PTER: variants seen among roughly 807,000 people sequenced by gnomAD.
PTER encodes the protein phosphotriesterase related.
PTER carries 38 observed loss-of-function variants against 29.6 expected under a neutral mutation model. That is an observed-to-expected ratio of 1.28 (90% confidence interval 0.99 to 1.68). The LOEUF is 1.68. PTER is among the 40% of genes most tolerant of loss of function. The pLI is 0.00. For missense variants in PTER, 482 were observed against 427.8 expected, an observed-to-expected ratio of 1.13 and a Z score of -1.12; for synonymous variants, 172 against 154.5, an observed-to-expected ratio of 1.11 and a Z score of -0.84.
At chr10:16,466,680 C>T (rs1214732392) in intron 1 of PTER, among the ~76,000 whole-genome samples, 4 of 152,136 alleles carry the variant, frequency 2.6e-5, no homozygotes, top group Non-Finnish European at 5.9e-5. Flanking sequence ...TCTGGATTAA[C>T]AAAACGTGGT....
chr10:16,470,214 A>G (rs1834994991), intron 1 of PTER, among the ~76,000 whole-genome samples: 1 of 152,162 alleles, frequency 6.6e-6, no homozygotes, highest in East Asian at 1.9e-4. Flanking sequence ...TCAAGCCAGC[A>G]ATGCATTCGT....
At chr10:16,482,971 G>A (rs944534996) in intron 1 of PTER, among the ~76,000 whole-genome samples, 1 of 151,972 alleles carries the variant, frequency 6.6e-6, no homozygotes, top group Non-Finnish European at 1.5e-5. Context: ...TAGTAGAGAC[G>A]GGTTTTCACC....
At chr10:16,480,368 G>A (rs1227205319) in intron 1 of PTER, among the ~76,000 whole-genome samples, 2 of 151,760 alleles carry the variant, frequency 1.3e-5, no homozygotes, top group Non-Finnish European at 1.5e-5. Context: ...GCTAATTTTT[G>A]TATTTTTTAT....
At chr10:16,470,296 C>T (rs910175294) in intron 1 of PTER, among the ~76,000 whole-genome samples, 2 of 152,210 alleles carry the variant, frequency 1.3e-5, no homozygotes, top group African/African-American at 4.8e-5. Flanking sequence ...GAACAAAAGG[C>T]ATTATTGTTG....
chr10:16,484,816 G>A lies in PTER; in HGVS notation c.432G>A (p.Gln144=). 6.3e-7 allele frequency: 1 copy of A among 1,586,064 alleles called. No homozygotes were observed. The highest frequency in any genetic ancestry group is 1.9e-5 in the Admixed American group (1 of 52,802). ...AGACCAGGGCCATGTCAGTGGAGCA[G>A]GTAAAAAGCCTAAGTTCTTTGACAG... ...SSETRAMSVE[Q]LTDVLMNEIL... The change falls in exon 2 of 5, where the codon CAG becomes CAA. Residue 144 remains glutamine, a splice_region_variant and synonymous_variant. Transcript: ENST00000535784.
intron 3 of PTER, 147 bp downstream of exon 3, chr10:16,486,764 C>A: frequency 1.1e-6 from 1 of 940,038 alleles, no homozygotes; most frequent in Non-Finnish European, 1.5e-6. Flanking sequence ...TAAAGTTTCA[C>A]AACTGACATG....
intron 3 of PTER, among the ~76,000 whole-genome samples, chr10:16,487,622 ATT>A (rs1212433562): frequency 1.3e-5 from 2 of 152,178 alleles, no homozygotes; most frequent in African/African-American, 4.8e-5. Flanking sequence ...CCTACATATT[ATT>A]TTAGATGCAT....
chr10:16,437,529 TAG>T (rs770599177), intron 1 of PTER: 6 of 152,024 alleles, frequency 3.9e-5, no homozygotes, highest in Non-Finnish European at 8.8e-5. Flanking sequence ...GTATTTTTTG[TAG>T]AGAGTGTCTC....
chr10:16,443,053 A>C (rs966133504), intron 1 of PTER, among the ~76,000 whole-genome samples: 1 of 152,134 alleles, frequency 6.6e-6, no homozygotes, highest in African/African-American at 2.4e-5. Flanking sequence ...AGATTAGATG[A>C]CCTTGATTAC....
chr10:16,518,807 A>G, the PTER span, among the ~76,000 whole-genome samples: 21,208 of 152,040 alleles, frequency 0.14, 1,625 homozygotes, highest in Middle Eastern at 0.22. Flanking sequence ...GAAGAGAGCC[A>G]ATTTGCAAAT....
chr10:16,482,486 A>G (rs1004733895), intron 1 of PTER, among the ~76,000 whole-genome samples: 1 of 152,178 alleles, frequency 6.6e-6, no homozygotes, highest in Non-Finnish European at 1.5e-5. Flanking sequence ...AGGTATTTTT[A>G]CCTGTGGTAT....
In PTER at chr10:16,513,367, GC is replaced by G. The variant is rs1399711497; in HGVS notation, c.*2113del. ...TATATTAAAATTTTGAGGCTATACAGCCACTGTGCCCTGTGGAATAAAGCCA... is the reference window on the plus strand; with the variant it reads ...TATATTAAAATTTTGAGGCTATACAGCACTGTGCCCTGTGGAATAAAGCCA... On this transcript the variant is annotated 3_prime_UTR_variant, in exon 5 of 5. Coordinates refer to ENST00000535784, the MANE Select transcript of PTER (RefSeq NM_001261836.2). 1 of 152,338 alleles carries G rather than the reference GC, an allele frequency of 6.6e-6. No individual in the cohort carries two copies. The highest frequency in any genetic ancestry group is 1.5e-5 in the Non-Finnish European group (1 of 67,950). The allele number at this position is 152,338 out of a possible 1,614,324, so 9.4% of individuals were successfully genotyped here. A position where few individuals can be genotyped will look rare whatever the true frequency, so the allele number is the denominator to read the frequency against.
chr10:16,473,066 C>A (rs1835114159), intron 1 of PTER, among the ~76,000 whole-genome samples: 4 of 150,934 alleles, frequency 2.7e-5, no homozygotes, highest in South Asian at 4.2e-4. Flanking sequence ...AGAGTTAGAG[C>A]ACATTGTACT....
chr10:16,457,331 G>T (rs1161477404), intron 1 of PTER, among the ~76,000 whole-genome samples: 1 of 151,898 alleles, frequency 6.6e-6, no homozygotes, highest in Non-Finnish European at 1.5e-5. Flanking sequence ...TCCTGCCTCA[G>T]CCTCCCGAGT....
At chr10:16,447,984 G>A (rs1206098813) in intron 1 of PTER, among the ~76,000 whole-genome samples, 1 of 152,218 alleles carries the variant, frequency 6.6e-6, no homozygotes, top group Non-Finnish European at 1.5e-5. Flanking sequence ...GAATGCTGCT[G>A]TGTACACCCT....
chr10:16,446,691 TG>T (rs1834024803), intron 1 of PTER, among the ~76,000 whole-genome samples: 1 of 152,216 alleles, frequency 6.6e-6, no homozygotes, highest in African/African-American at 2.4e-5. Context: ...ATTGTTGCCA[TG>T]GTGAGGTCAA....
chr10:16,484,408 C>T lies in PTER; in HGVS notation c.24C>T (p.Val8=). 1 of 1,596,702 alleles carries T rather than the reference C, an allele frequency of 6.3e-7. No homozygotes were observed. Among genetic ancestry groups the T allele is most frequent in the South Asian group, 1.1e-5 (1 of 87,272 alleles). The change falls in exon 2 of 5, where the codon GTC becomes GTT. Residue 8 remains valine, a synonymous_variant. Transcript: ENST00000535784. MSSLSGK[V]QTVLGLVEPS... ...AAATGTCTTCCTTAAGTGGAAAAGT[C>T]CAAACCGTTTTGGGCCTTGTAGAGC...
At chr10:16,440,343 G>A (rs141697194) in intron 1 of PTER, among the ~76,000 whole-genome samples, 4 of 151,802 alleles carry the variant, frequency 2.6e-5, no homozygotes, top group African/African-American at 7.3e-5. Flanking sequence ...GAGCCACCAC[G>A]CCCGGCCCTT....
chr10:16,501,793 A>G lies in PTER; in HGVS notation c.699-3227A>G, dbSNP rs1185825728. 1.1e-4 allele frequency among the ~76,000 whole-genome samples: 16 copies of G among 152,376 alleles called. No homozygotes were observed. In the East Asian group the frequency reaches 2.9e-3, roughly 28 times the overall value. ...TTACAGCGTAAGTTCTAACTTTGAG[A>G]TGAATTTAAATTCTAGCACATCACC... On this transcript the variant is annotated intron_variant, in intron 3 of 4. Coordinates refer to ENST00000535784, the MANE Select transcript of PTER (RefSeq NM_001261836.2).
Sources: gnomAD v4.1 joint callset for allele counts (sites outside exome capture counted in the v4.1 genomes callset) on GRCh38, gnomAD v4.1.1 for gene constraint, MANE v1.5 for transcripts, NCBI Gene and HGNC (gene_info 2026-07-23, HGNC 2026-07-21) for gene names.